Variants in TTLL2 observed in about 807,000 individuals in gnomAD.
TTLL2 encodes tubulin tyrosine ligase like 2.
TTLL2 carries 10 observed loss-of-function variants against 7.5 expected under a neutral mutation model. The observed-to-expected ratio is 1.33, with a 90% CI of 0.82 to 2.25. The LOEUF is 2.25. Among genes scored for constraint, TTLL2 ranks in the 30% most tolerant of loss-of-function variants. The pLI, the probability that TTLL2 is intolerant of heterozygous loss-of-function variation, is 0.00. For synonymous variants in TTLL2, 284 were observed against 280.3 expected, an observed-to-expected ratio of 1.01 and a Z score of -0.13; for missense variants, 733 against 735.7, an observed-to-expected ratio of 1.00 and a Z score of 0.04.
intron 2 of TTLL2, 138 bp downstream of exon 2, chr6:167,338,941 T>G: frequency 1.2e-6 from 1 of 851,394 alleles, no homozygotes. Flanking sequence ...CTTCCTTCCC[T>G]TCCTCCTTCC....
rs1008658185 is a variant in TTLL2, at chr6:167,325,166, A to G, written c.-8A>G. ...ACCCACAGAGGCCACCCTCGGAACC[A>G]GCGCCCAATGAGAGGGCGGGACCTG... On this transcript the variant is annotated 5_prime_UTR_variant, in exon 1 of 3. Coordinates refer to ENST00000239587, the MANE Select transcript of TTLL2 (RefSeq NM_031949.5). 12 of 1,576,086 alleles carry G rather than the reference A, an allele frequency of 7.6e-6. No homozygotes were observed. The African/African-American group carries it at 1.5e-4, about 20-fold the overall frequency.
At chr6:167,328,790 C>A (rs6905819) in intron 1 of TTLL2, among the ~76,000 whole-genome samples, 12,966 of 152,126 alleles carry the variant, frequency 0.085, 1,475 homozygotes, top group African/African-American at 0.25. Flanking sequence ...TCTGTTTAAT[C>A]TCCAGGATCT....
Position 167,341,593 on chromosome 6 carries a change from G to A in TTLL2, c.1693G>A (p.Ala565Thr), listed in dbSNP as rs1387729251. ...TGTTCTTGTTTTTCCTTTCAATGAA[G>A]CAACTCTCGGAGCTTCCAGGAATGG... is the stretch of plus-strand genomic sequence containing the variant. ...NFVLVFPFNE[A>T]TLGASRNGLN... Residue 565 changes from alanine (A) to threonine (T), a missense_variant, in exon 3 of 3, where the codon GCA (alanine) becomes ACA (threonine). Transcript: ENST00000239587. 6.8e-6 allele frequency: 11 copies of A among 1,614,158 alleles called. No homozygotes were observed. Among genetic ancestry groups the A allele is most frequent in the Non-Finnish European group, 9.3e-6 (11 of 1,180,050 alleles).
intron 1 of TTLL2, among the ~76,000 whole-genome samples, chr6:167,338,175 A>G (rs549893077): frequency 6.6e-6 from 1 of 151,990 alleles, no homozygotes; most frequent in East Asian, 1.9e-4. Context: ...CACAGCACAT[A>G]CAACACACAA....
At chr6:167,337,286 C>A (rs139818397) in intron 1 of TTLL2, among the ~76,000 whole-genome samples, 47 of 152,338 alleles carry the variant, frequency 3.1e-4, no homozygotes, top group Non-Finnish European at 6.2e-4. Context: ...GTCCCCAACC[C>A]GGCATGGCTT....
rs911026548 is a variant in TTLL2 at position 167,328,345 on chromosome 6, C to G, written c.47+3125C>G. ...GGAATACATTATTTTTGGCTGACTTCCTTGCCATGGGGCCCCATACACCCA... is the reference window on the plus strand; with the variant it reads ...GGAATACATTATTTTTGGCTGACTTGCTTGCCATGGGGCCCCATACACCCA... On this transcript the variant is annotated intron_variant, in intron 1 of 2. Coordinates refer to ENST00000239587, the MANE Select transcript of TTLL2 (RefSeq NM_031949.5). The G allele has an allele frequency of 2.5e-5, 8 of 316,756 alleles. No individual in the cohort carries two copies. In the Admixed American group the frequency reaches 2.7e-4, roughly 11 times the overall value. The allele number at this position is 316,756 out of a possible 1,614,324, so 19.6% of individuals were successfully genotyped here.
intron 1 of TTLL2, among the ~76,000 whole-genome samples, chr6:167,337,785 C>A (rs928144176): frequency 7.1e-6 from 1 of 141,088 alleles, no homozygotes; most frequent in Non-Finnish European, 1.5e-5. Context: ...ACACACACAC[C>A]ACACACAACA....
chr6:167,337,885 G>A (rs1423444932), intron 1 of TTLL2, among the ~76,000 whole-genome samples: 1 of 149,936 alleles, frequency 6.7e-6, no homozygotes, highest in Non-Finnish European at 1.5e-5. Flanking sequence ...CACAATATAA[G>A]CAGCATACAC....
At position 167,340,880 on chromosome 6, in the gene TTLL2, T is replaced by A; in HGVS notation, c.980T>A (p.Phe327Tyr). 1.9e-6 allele frequency: 3 copies of A among 1,614,136 alleles called. No individual in the cohort carries two copies. The highest frequency in any genetic ancestry group is 2.5e-6 in the Non-Finnish European group (3 of 1,180,024). The change falls in exon 3 of 3, where the codon TTT becomes TAT. Residue 327 changes from phenylalanine (F) to tyrosine (Y), a missense_variant. Coordinates refer to ENST00000239587, the MANE Select transcript of TTLL2 (RefSeq NM_031949.5). Reference sequence around the variant, plus strand: ...GGTTGTAAATGGACGCTCAGCAGATTTTTTTCCTACCTTCGTAGCTGGGAT... The same window carrying A: ...GGTTGTAAATGGACGCTCAGCAGATATTTTTCCTACCTTCGTAGCTGGGAT... Reference protein sequence around the residue: ...GHGCKWTLSRFFSYLRSWDVD... With the variant: ...GHGCKWTLSRYFSYLRSWDVD...
chr6:167,338,438 C>G lies in TTLL2; in HGVS notation c.48-209C>G, dbSNP rs191188031. ...ACAACACAGAAACAACAAACACACT[C>G]AACAGGCACAACATAGTCACACACA... is the stretch of plus-strand genomic sequence containing the variant. On this transcript the variant is annotated intron_variant, in intron 1 of 2. Coordinates refer to ENST00000239587, the MANE Select transcript of TTLL2 (RefSeq NM_031949.5). Among the ~76,000 whole-genome samples, 93 of 138,576 alleles carry G rather than the reference C, an allele frequency of 6.7e-4. 1 individual carries two copies. The highest frequency in any genetic ancestry group is 2.6e-3 in the African/African-American group (90 of 34,964). The allele number at this position is 138,576 out of a possible 152,430, so 90.9% of individuals were successfully genotyped here. A position where few individuals can be genotyped will look rare whatever the true frequency, so the allele number is the denominator to read the frequency against.
chr6:167,332,426 C>T (rs957346201), intron 1 of TTLL2, among the ~76,000 whole-genome samples: 1 of 151,944 alleles, frequency 6.6e-6, no homozygotes, highest in African/African-American at 2.4e-5. Flanking sequence ...CAATGTTAGG[C>T]GAAATTCAAT....
chr6:167,326,755 G>A (rs994905076), intron 1 of TTLL2, among the ~76,000 whole-genome samples: 6 of 152,162 alleles, frequency 3.9e-5, no homozygotes, highest in Admixed American at 2.0e-4. Context: ...TAGCTCATCA[G>A]CTGTCGTTAG....
At chr6:167,330,919 C>A (rs1186014068) in intron 1 of TTLL2, among the ~76,000 whole-genome samples, 1 of 152,156 alleles carries the variant, frequency 6.6e-6, no homozygotes, top group African/African-American at 2.4e-5. Context: ...AACACTGCAG[C>A]ATGAGCTCGA....
At chr6:167,336,405 T>C (rs1007842131) in intron 1 of TTLL2, among the ~76,000 whole-genome samples, 1 of 152,132 alleles carries the variant, frequency 6.6e-6, no homozygotes, top group East Asian at 1.9e-4. Flanking sequence ...GCATATTACA[T>C]AAGATGTTAT....
At chr6:167,328,986 T>G (rs1778882718) in intron 1 of TTLL2, among the ~76,000 whole-genome samples, 1 of 152,156 alleles carries the variant, frequency 6.6e-6, no homozygotes, top group Non-Finnish European at 1.5e-5. Context: ...GAAGCTTCTA[T>G]GTGGAGGTCT....
chr6:167,326,520 C>A (rs1347164089), intron 1 of TTLL2, among the ~76,000 whole-genome samples: 1 of 152,096 alleles, frequency 6.6e-6, no homozygotes, highest in Non-Finnish European at 1.5e-5. Flanking sequence ...GGTGACTGAT[C>A]TCCACAAATG....
intron 1 of TTLL2, 124 bp from the exon 2 acceptor site, chr6:167,338,515 AGCATTACT>A: frequency 8.2e-7 from 1 of 1,224,242 alleles, no homozygotes; most frequent in South Asian, 1.8e-5. Context: ...ACAATTTGAA[AGCATTACT>A]GCAAACTAGG....
Position 167,328,039 on chromosome 6 carries a change from A to G in TTLL2, c.47+2819A>G, listed in dbSNP as rs1288271006. ...CCTGAAATTCCTGGTGTTGAATCAC[A>G]TGGTTTAACCCTTCAGCTGGATCCC... is the stretch of plus-strand genomic sequence containing the variant. On this transcript the variant is annotated intron_variant, in intron 1 of 2. Transcript: ENST00000239587. 1.1e-5 allele frequency: 5 copies of G among 456,148 alleles called. No individual in the cohort carries two copies. In the East Asian group the frequency reaches 3.5e-4, roughly 32 times the overall value. The allele number at this position is 456,148 out of a possible 1,614,324, so 28.3% of individuals were successfully genotyped here. A position where few individuals can be genotyped will look rare whatever the true frequency, so the allele number is the denominator to read the frequency against.
chr6:167,340,267 C>T lies in TTLL2; in HGVS notation c.367C>T (p.Leu123=). Residue 123 remains leucine, a synonymous_variant, in exon 3 of 3, where the codon CTG becomes TTG. Transcript: ENST00000239587. ...KQEQNAEDWN[L]YWRTSSFRMT... The stretch of plus-strand genomic sequence containing the variant: ...GGAGCAGAACGCGGAGGACTGGAAC[C>T]TGTACTGGAGGACATCCTCTTTCCG... The T allele has an allele frequency of 6.2e-7, 1 of 1,614,076 alleles. No individual in the cohort carries two copies. The highest frequency in any genetic ancestry group is 8.5e-7 in the Non-Finnish European group (1 of 1,179,994).
Sources: gnomAD v4.1 joint callset for allele counts (sites outside exome capture counted in the v4.1 genomes callset) on GRCh38, gnomAD v4.1.1 for gene constraint, MANE v1.5 for transcripts, NCBI Gene and HGNC (gene_info 2026-07-23, HGNC 2026-07-21) for gene names.